Variants in SH2D4B observed in about 807,000 individuals in gnomAD.
SH2D4B encodes the protein SH2 domain-containing protein 4B.
SH2D4B carries 45 observed loss-of-function variants against 61.5 expected under a neutral mutation model. That is an observed-to-expected ratio of 0.73 (90% CI 0.58 to 0.94). The LOEUF is 0.94. Among genes scored for constraint, SH2D4B ranks in the 40% least tolerant of loss-of-function variants. SH2D4B has a pLI of 0.00. For missense variants in SH2D4B, 572 were observed against 574.2 expected (o/e 1.00, Z 0.04); for synonymous variants, 224 against 220.4 (o/e 1.02, Z -0.14).
intron 3 of SH2D4B, among the ~76,000 whole-genome samples, chr10:80,587,258 T>C (rs1842270439): frequency 6.6e-6 from 1 of 150,380 alleles, no homozygotes; most frequent in Non-Finnish European, 1.5e-5. Context: ...GCCTCTTGAG[T>C]AACTCTTGTT....
chr10:80,598,570 A>G (rs1459137393), intron 4 of SH2D4B, among the ~76,000 whole-genome samples: 1 of 152,196 alleles, frequency 6.6e-6, no homozygotes. Flanking sequence ...AATATGAAAG[A>G]TATAGTGGGC....
At chr10:80,569,365 C>T in intron 1 of SH2D4B, among the ~76,000 whole-genome samples, 1 of 152,018 alleles carries the variant, frequency 6.6e-6, no homozygotes, top group East Asian at 1.9e-4. Context: ...GTAGCAAAGT[C>T]CAAAGCTTGT....
rs7069048 is a variant in SH2D4B at position 80,603,584 on chromosome 10, C to G, written c.649C>G (p.Arg217Gly). The change falls in exon 5 of 8, where the codon CGG becomes GGG. Residue 217 changes from arginine (R) to glycine (G), a missense_variant. Transcript: ENST00000646907. Reference protein sequence around the residue: ...EEREWEEQLRRSKAADEERSR... With the variant: ...EEREWEEQLRGSKAADEERSR... ...TGCTGTCTTCCTCTTTCCAGTGCGC[C>G]GGTCCAAGGCGGCTGATGAGGAGAG... The G allele has an allele frequency of 6.5e-7, 1 of 1,548,968 alleles. No individual in the cohort carries two copies. The highest frequency in any genetic ancestry group is 8.7e-7 in the Non-Finnish European group (1 of 1,144,386).
Position 80,622,268 on chromosome 10 carries a change from G to A in SH2D4B, c.989-12017G>A, listed in dbSNP as rs1278210651. On this transcript the variant is annotated intron_variant, in intron 6 of 7. Transcript: ENST00000646907. ...TAGGCTTCACATGTATCTGTTGAAA[G>A]GGTTCTTATGTATACATTGTGTATA... Among the ~76,000 whole-genome samples, 3 of 152,212 alleles carry A rather than the reference G, an allele frequency of 2.0e-5. No homozygotes were observed. In the East Asian group the frequency reaches 5.8e-4, roughly 29 times the overall value.
At chr10:80,549,878 C>T (rs932186237) in intron 1 of SH2D4B, among the ~76,000 whole-genome samples, 4 of 152,180 alleles carry the variant, frequency 2.6e-5, no homozygotes, top group Admixed American at 2.0e-4. Context: ...CCACAGTCAC[C>T]GGTGCTGATG....
At chr10:80,571,640 C>T in intron 3 of SH2D4B, 62 bp downstream of exon 3, 1 of 1,592,500 alleles carries the variant, frequency 6.3e-7, no homozygotes. Flanking sequence ...ACCACTGGGG[C>T]TGACCTCTGG....
chr10:80,617,250 AG>A (rs1267127803), intron 6 of SH2D4B, among the ~76,000 whole-genome samples: 1 of 152,186 alleles, frequency 6.6e-6, no homozygotes, highest in Non-Finnish European at 1.5e-5. Flanking sequence ...CATTTTCTTT[AG>A]GAGGTGCCCA....
chr10:80,552,881 C>CTCTT (rs971021086), intron 1 of SH2D4B, among the ~76,000 whole-genome samples: 17 of 150,836 alleles, frequency 1.1e-4, no homozygotes, highest in African/African-American at 4.2e-4. Context: ...CCCCCTCTCT[C>CTCTT]TCTTTCTTTC....
chr10:80,634,432 G>C lies in SH2D4B; in HGVS notation c.1136G>C (p.Gly379Ala). The change falls in exon 7 of 8, where the codon GGG becomes GCG. Residue 379 changes from glycine to alanine, a missense_variant. Gly to Ala is a moderately conservative substitution (Grantham distance 60, BLOSUM62 0). Coordinates refer to ENST00000646907, the MANE Select transcript of SH2D4B (RefSeq NM_001388272.1). The stretch of plus-strand genomic sequence containing the variant: ...AAACACTTTCTTGTGGATGCTTCTG[G>C]GGATTTTTACAGCTTCCTGGGAGTG... ...GFKHFLVDAS[G>A]DFYSFLGVDP... The C allele has an allele frequency of 6.4e-7, 1 of 1,550,520 alleles. No individual in the cohort carries two copies. Among genetic ancestry groups the C allele is most frequent in the Non-Finnish European group, 8.7e-7 (1 of 1,146,986 alleles).
chr10:80,571,811 C>T (rs11186102), intron 3 of SH2D4B, among the ~76,000 whole-genome samples: 11,987 of 141,648 alleles, frequency 0.085, 648 homozygotes, highest in Admixed American at 0.18. Flanking sequence ...TCTTGCTCGT[C>T]GCCCAGGCTG....
At chr10:80,604,790 A>AG (rs200512127) in intron 5 of SH2D4B, among the ~76,000 whole-genome samples, 50 of 64,220 alleles carry the variant, frequency 7.8e-4, no homozygotes, top group African/African-American at 3.8e-3. Context: ...TACTGTTCTT[A>AG]GTTTTTTTTT....
At chr10:80,631,233 A>G (rs34189002) in intron 6 of SH2D4B, among the ~76,000 whole-genome samples, 15,090 of 152,234 alleles carry the variant, frequency 0.099, 1,494 homozygotes, top group African/African-American at 0.25. Context: ...TAGGGAATCA[A>G]TGGAAGTGTT....
intron 4 of SH2D4B, 103 bp downstream of exon 4, chr10:80,588,880 C>A: frequency 7.1e-7 from 1 of 1,399,862 alleles, no homozygotes. Flanking sequence ...CGCTCACTCA[C>A]CCCATCAGCC....
intron 3 of SH2D4B, among the ~76,000 whole-genome samples, chr10:80,582,775 T>C (rs1355777396): frequency 6.6e-6 from 1 of 152,202 alleles, no homozygotes; most frequent in Non-Finnish European, 1.5e-5. Context: ...TGGGTTTCTG[T>C]GAAGCATGGG....
At chr10:80,639,948 G>A (rs2132166646) in intron 7 of SH2D4B, among the ~76,000 whole-genome samples, 1 of 152,262 alleles carries the variant, frequency 6.6e-6, no homozygotes, top group East Asian at 1.9e-4. Flanking sequence ...TCCATGTTTA[G>A]TGCTTCCTTC....
chr10:80,615,348 A>T (rs1408049283), intron 6 of SH2D4B, among the ~76,000 whole-genome samples: 1 of 152,176 alleles, frequency 6.6e-6, no homozygotes, highest in Non-Finnish European at 1.5e-5. Flanking sequence ...TGGGATGAAA[A>T]ACCAGGTTTC....
intron 6 of SH2D4B, among the ~76,000 whole-genome samples, chr10:80,630,965 A>G (rs550777595): frequency 6.6e-6 from 1 of 151,876 alleles, no homozygotes; most frequent in East Asian, 1.9e-4. Flanking sequence ...GGTGAGACAC[A>G]TAACATCGTC....
intron 1 of SH2D4B, among the ~76,000 whole-genome samples, chr10:80,541,508 C>T (rs890783633): frequency 1.3e-5 from 2 of 152,152 alleles, no homozygotes; most frequent in Non-Finnish European, 1.5e-5. Flanking sequence ...CTGAGCATGA[C>T]GTGGGTTAGT....
chr10:80,594,507 T>C (rs1842364829), intron 4 of SH2D4B, among the ~76,000 whole-genome samples: 1 of 152,222 alleles, frequency 6.6e-6, no homozygotes, highest in Non-Finnish European at 1.5e-5. Context: ...AAAGCACAAG[T>C]TGGAAAGTGT....
Sources: allele counts gnomAD v4.1 joint callset (sites outside exome capture counted in the v4.1 genomes callset), GRCh38; gene constraint gnomAD v4.1.1; transcripts MANE v1.5; gene names NCBI Gene and HGNC (gene_info 2026-07-23, HGNC 2026-07-21).